MAP3K10: variants seen among roughly 807,000 people sequenced by gnomAD.
MAP3K10 encodes MKN28 derived nonreceptor_type serine/threonine kinase.
In MAP3K10, 22 loss-of-function variants were observed where a neutral mutation model predicts 75.0. That is an observed-to-expected ratio of 0.29 (90% CI 0.21 to 0.42). MAP3K10 has a LOEUF of 0.42. Ranked by LOEUF, MAP3K10 falls within the 10% of genes least tolerant of loss-of-function variation. The pLI is 1.00. For synonymous variants in MAP3K10, 599 were observed against 612.9 expected (o/e 0.98, Z 0.34); for missense variants, 1,165 against 1,379.8 (o/e 0.84, Z 2.47).
rs757122193 is a variant in MAP3K10 at position 40,192,148 on chromosome 19, G to A, written c.117G>A (p.Arg39=). ...AAGDEELTLR[R]GDRVQVLSQD... is the part of the protein sequence containing the mutation. ...GCGACGAGGAGCTGACCCTGCGGAG[G>A]GGCGATCGCGTCCAGGTGCTTTCCC... Residue 39 remains arginine (R), a synonymous_variant, in exon 1 of 10, where the codon AGG becomes AGA. Coordinates refer to ENST00000253055, the MANE Select transcript of MAP3K10 (RefSeq NM_002446.4). The surrounding 1 kb of genome is among the most constrained non-coding windows in gnomAD (Gnocchi z 7.1). 34 of 1,598,998 alleles carry A rather than the reference G, an allele frequency of 2.1e-5. 1 individual carries two copies. The South Asian group carries it at 3.6e-4, about 17-fold the overall frequency.
chr19:40,208,163 TTTTTTG>T (rs970339543), intron 5 of MAP3K10, among the ~76,000 whole-genome samples: 4 of 151,772 alleles, frequency 2.6e-5, no homozygotes, highest in Non-Finnish European at 4.4e-5. Flanking sequence ...TGTTGTTTGT[TTTTTTG>T]TTTTTGTTTT....
Position 40,205,806 on chromosome 19 carries a change from A to G in MAP3K10, c.1189-105A>G. The G allele has an allele frequency of 8.0e-7, 1 of 1,254,876 alleles. No individual in the cohort carries two copies. Among genetic ancestry groups the G allele is most frequent in the Non-Finnish European group, 1.1e-6 (1 of 937,528 alleles). The allele number at this position is 1,254,876 out of a possible 1,614,324, so 77.7% of individuals were successfully genotyped here. A position where few individuals can be genotyped will look rare whatever the true frequency, so the allele number is the denominator to read the frequency against. On this transcript the variant is annotated intron_variant, in intron 4 of 9. Transcript: ENST00000253055. This position sits in a 1 kb window ranked among gnomAD's most constrained non-coding sequence, Gnocchi z 4.3. ...GGTGAAACCAGTGTACCCCACAGCA[A>G]GGTACCCTTGTGTGAGGCACCAACC...
chr19:40,193,530 C>T (rs768356619), intron 1 of MAP3K10, among the ~76,000 whole-genome samples: 1 of 152,176 alleles, frequency 6.6e-6, no homozygotes, highest in Non-Finnish European at 1.5e-5. Flanking sequence ...ATTAATTGAG[C>T]ACCTATTAAG....
At chr19:40,207,122 T>G (rs1381992631) in intron 5 of MAP3K10, among the ~76,000 whole-genome samples, 1 of 152,096 alleles carries the variant, frequency 6.6e-6, no homozygotes, top group Non-Finnish European at 1.5e-5. Flanking sequence ...AAGATATACA[T>G]ATATATGCTG....
chr19:40,198,478 C>T lies in MAP3K10; in HGVS notation c.786C>T (p.Ser262=), dbSNP rs201837585. Residue 262 remains serine, a synonymous_variant, in exon 2 of 10, where the codon AGC becomes AGT. Coordinates refer to ENST00000253055, the MANE Select transcript of MAP3K10 (RefSeq NM_002446.4). This position sits in a 1 kb window ranked among gnomAD's most constrained non-coding sequence, Gnocchi z 4.3. ...AREWHKTTKM[S]AAGTYAWMAP... ...AGTGGCACAAGACCACCAAGATGAG[C>T]GCTGCGGGGACCTACGCCTGGATGG... 105 of 1,614,170 alleles carry T rather than the reference C, an allele frequency of 6.5e-5. No individual in the cohort carries two copies. The East Asian group carries it at 2.1e-3, about 33-fold the overall frequency.
chr19:40,201,916 G>A (rs929060067), intron 2 of MAP3K10, among the ~76,000 whole-genome samples: 1 of 151,222 alleles, frequency 6.6e-6, no homozygotes, highest in Non-Finnish European at 1.5e-5. Context: ...CATCATCTAG[G>A]TTTGAAGCCC....
chr19:40,215,472 T>G lies in MAP3K10; in HGVS notation c.*180T>G. On this transcript the variant is annotated 3_prime_UTR_variant, in exon 10 of 10. Coordinates refer to ENST00000253055, the MANE Select transcript of MAP3K10 (RefSeq NM_002446.4). ...TTGTACCCCAGGGGGTGGAGCCCTGTGCCCACCCTGCACTGGGGGGAGGGT... is the reference window on the plus strand; with the variant it reads ...TTGTACCCCAGGGGGTGGAGCCCTGGGCCCACCCTGCACTGGGGGGAGGGT... 20 of 596,226 alleles carry G rather than the reference T, an allele frequency of 3.4e-5. No individual in the cohort carries two copies. The highest frequency in any genetic ancestry group is 4.4e-5 in the Non-Finnish European group (15 of 343,954). The allele number at this position is 596,226 out of a possible 1,614,324, so 36.9% of individuals were successfully genotyped here.
intron 1 of MAP3K10, among the ~76,000 whole-genome samples, chr19:40,195,426 A>C (rs532153815): frequency 7.2e-6 from 1 of 139,232 alleles, no homozygotes; most frequent in East Asian, 2.3e-4. Context: ...CTAGGAATTT[A>C]CAGTGGGGGC....
chr19:40,198,328 G>C lies in MAP3K10; in HGVS notation c.683-47G>C, dbSNP rs754050294. The stretch of plus-strand genomic sequence containing the variant: ...GCAGCGGGCCAGAACACTTGGGTCT[G>C]CGGCGTGGCAGGTCTGGGGTGACCC... On this transcript the variant is annotated intron_variant, in intron 1 of 9. Coordinates refer to ENST00000253055, the MANE Select transcript of MAP3K10 (RefSeq NM_002446.4). The surrounding 1 kb of genome is among the most constrained non-coding windows in gnomAD (Gnocchi z 4.3). The C allele has an allele frequency of 1.3e-6, 2 of 1,561,480 alleles. No homozygotes were observed. The highest frequency in any genetic ancestry group is 1.7e-6 in the Non-Finnish European group (2 of 1,148,890).
chr19:40,208,447 C>G (rs190595288), intron 5 of MAP3K10, among the ~76,000 whole-genome samples: 1 of 144,498 alleles, frequency 6.9e-6, no homozygotes, highest in African/African-American at 2.5e-5. Context: ...CCGCCTGCCT[C>G]GGCCTCCCAA....
Position 40,191,965 on chromosome 19 carries a change from G to A in MAP3K10, c.-67G>A, listed in dbSNP as rs1377341637. On this transcript the variant is annotated 5_prime_UTR_variant, in exon 1 of 10. Transcript: ENST00000253055. ...ACTGCCCTCCATCCCGGCCGCCGGG[G>A]CCCGCCCTCTGCATCCCGCGGGCAG... 2.6e-6 allele frequency: 3 copies of A among 1,161,286 alleles called. No homozygotes were observed. Among genetic ancestry groups the A allele is most frequent in the African/African-American group, 3.3e-5 (2 of 60,890 alleles). 71.9% of individuals were successfully genotyped at this position (1,161,286 alleles called of 1,614,324 possible). A position where few individuals can be genotyped will look rare whatever the true frequency, so the allele number is the denominator to read the frequency against.
chr19:40,198,676 C>G lies in MAP3K10; in HGVS notation c.863+121C>G, dbSNP rs1972961850. On this transcript the variant is annotated intron_variant, in intron 2 of 9. Transcript: ENST00000253055. The surrounding 1 kb of genome is among the most constrained non-coding windows in gnomAD (Gnocchi z 4.3). ...GATCTCAGTCTGACAAAGGGACCTGCTGGCAAGGTCAGGCCACCAGACAAG... is the reference window on the plus strand; with the variant it reads ...GATCTCAGTCTGACAAAGGGACCTGGTGGCAAGGTCAGGCCACCAGACAAG... 2 of 1,053,338 alleles carry G rather than the reference C, an allele frequency of 1.9e-6. No homozygotes were observed. Among genetic ancestry groups the G allele is most frequent in the Admixed American group, 5.7e-5 (2 of 34,866 alleles). The allele number at this position is 1,053,338 out of a possible 1,614,324, so 65.2% of individuals were successfully genotyped here. A position where few individuals can be genotyped will look rare whatever the true frequency, so the allele number is the denominator to read the frequency against.
chr19:40,192,269 G>T lies in MAP3K10; in HGVS notation c.238G>T (p.Ala80Ser), dbSNP rs1305207300. ...CCCCAGCAACTACGTGGCCCCCGGC[G>T]CCCCCGCTGCACCCGCGGGCCTCCA... ...VFPSNYVAPG[A>S]PAAPAGLQLP... The change falls in exon 1 of 10, where the codon GCC becomes TCC. Residue 80 changes from alanine to serine, a missense_variant. Physicochemically the swap from Ala to Ser is moderately conservative, Grantham distance 99. Coordinates refer to ENST00000253055, the MANE Select transcript of MAP3K10 (RefSeq NM_002446.4). This position sits in a 1 kb window ranked among gnomAD's most constrained non-coding sequence, Gnocchi z 7.1. 3 of 1,601,458 alleles carry T rather than the reference G, an allele frequency of 1.9e-6. 1 individual carries two copies. The South Asian group carries it at 3.3e-5, about 18-fold the overall frequency.
chr19:40,214,946 C>T (rs763611046), intron 9 of MAP3K10, 24 bp from the exon 10 acceptor site: 50 of 1,229,558 alleles, frequency 4.1e-5, no homozygotes, highest in Middle Eastern at 1.9e-4. Context: ...ACCCCACTCA[C>T]CTCCTCTGAA....
rs1314342447 is a variant in MAP3K10 at position 40,198,699 on chromosome 19, A to G, written c.863+144A>G. ...TGCTGGCAAGGTCAGGCCACCAGAC[A>G]AGTGCCAGTTACCTGTTCAGCTAGC... On this transcript the variant is annotated intron_variant, in intron 2 of 9. Coordinates refer to ENST00000253055, the MANE Select transcript of MAP3K10 (RefSeq NM_002446.4). This position sits in a 1 kb window ranked among gnomAD's most constrained non-coding sequence, Gnocchi z 4.3. 2.7e-5 allele frequency: 21 copies of G among 768,834 alleles called. No individual in the cohort carries two copies. The East Asian group carries it at 5.8e-4, about 21-fold the overall frequency. The allele number at this position is 768,834 out of a possible 1,614,324, so 47.6% of individuals were successfully genotyped here.
At chr19:40,209,829 A>T (rs1020458287) in intron 6 of MAP3K10, among the ~76,000 whole-genome samples, 1 of 152,188 alleles carries the variant, frequency 6.6e-6, no homozygotes, top group Non-Finnish European at 1.5e-5. Flanking sequence ...ATATGTTTAG[A>T]TATATAGAAA....
In MAP3K10 at chr19:40,194,703, G is replaced by A. The variant is rs370237331; in HGVS notation, c.682+1990G>A. Among the ~76,000 whole-genome samples the A allele has an allele frequency of 9.2e-4, 140 of 152,232 alleles. 1 individual carries two copies. The highest frequency in any genetic ancestry group is 2.9e-3 in the African/African-American group (121 of 41,542). ...CCCCACTCATCCTACCCTAAGGAGC[G>A]CCTCATCTGCCATCATTCATTCATT... On this transcript the variant is annotated intron_variant, in intron 1 of 9. Coordinates refer to ENST00000253055, the MANE Select transcript of MAP3K10 (RefSeq NM_002446.4).
At chr19:40,214,678 T>G (rs1973317166) in intron 9 of MAP3K10, among the ~76,000 whole-genome samples, 1 of 152,150 alleles carries the variant, frequency 6.6e-6, no homozygotes, top group Non-Finnish European at 1.5e-5. Flanking sequence ...CTTAGCCCAG[T>G]GCAGGAGAGT....
intron 9 of MAP3K10, among the ~76,000 whole-genome samples, 178 bp from the exon 10 acceptor site, chr19:40,214,791 TG>T (rs1973319750): frequency 6.6e-6 from 1 of 151,536 alleles, no homozygotes; most frequent in Non-Finnish European, 1.5e-5. Flanking sequence ...CAGCTGGGAG[TG>T]GTCCCAGTCT....
Sources: gnomAD v4.1 joint callset for allele counts (sites outside exome capture counted in the v4.1 genomes callset) on GRCh38, gnomAD v4.1.1 for gene constraint, Gnocchi (gnomAD v3.1) non-coding constraint, MANE v1.5 for transcripts, NCBI Gene and HGNC (gene_info 2026-07-23, HGNC 2026-07-21) for gene names.